The following CNTN5 variants were observed in gnomAD, a reference collection of about 807,000 sequenced individuals.
The protein encoded by CNTN5 is contactin-5.
In CNTN5, 77 loss-of-function variants were observed where a neutral mutation model predicts 129.1. That is an observed-to-expected ratio of 0.60 (90% CI 0.50 to 0.72). The LOEUF (loss-of-function observed/expected upper bound fraction) is 0.72, where lower values mean the gene tolerates loss of function less well. CNTN5 is among the 30% of genes least tolerant of loss of function. The pLI, the probability that CNTN5 is intolerant of heterozygous loss-of-function variation, is 0.00. For missense variants in CNTN5, 1,478 were observed against 1,328.8 expected (o/e 1.11, Z -1.75); for synonymous variants, 509 against 465.6 (o/e 1.09, Z -1.20).
chr11:99,781,309 A>G (rs1214138340), intron 3 of CNTN5, among the ~76,000 whole-genome samples: 1 of 152,062 alleles, frequency 6.6e-6, no homozygotes, highest in Non-Finnish European at 1.5e-5. Flanking sequence ...GGAGTAACAG[A>G]TGGCACTTAT....
At chr11:99,230,284 C>A (rs781165351) in intron 1 of CNTN5, among the ~76,000 whole-genome samples, 13 of 151,942 alleles carry the variant, frequency 8.6e-5, no homozygotes, top group African/African-American at 1.5e-4. Context: ...ATGACGAAAG[C>A]ATTTTTTGGG....
intron 3 of CNTN5, among the ~76,000 whole-genome samples, chr11:99,643,876 A>G (rs938352846): frequency 2.6e-5 from 4 of 152,000 alleles, no homozygotes; most frequent in African/African-American, 4.8e-5. Flanking sequence ...TAAAAGAACT[A>G]TATTAACTTT....
chr11:100,073,203 C>A (rs1171842736), intron 12 of CNTN5, among the ~76,000 whole-genome samples: 1 of 151,922 alleles, frequency 6.6e-6, no homozygotes, highest in Non-Finnish European at 1.5e-5. Context: ...CCCACAGCCA[C>A]ACCCAGCTGA....
chr11:99,808,762 A>G (rs942008316), intron 3 of CNTN5, among the ~76,000 whole-genome samples: 2 of 152,082 alleles, frequency 1.3e-5, no homozygotes, highest in African/African-American at 4.8e-5. Flanking sequence ...CTCTACTGCC[A>G]AGCACTTTTT....
At chr11:99,504,167 GT>G (rs1946528075) in intron 2 of CNTN5, among the ~76,000 whole-genome samples, 1 of 152,178 alleles carries the variant, frequency 6.6e-6, no homozygotes, top group Non-Finnish European at 1.5e-5. Flanking sequence ...AAAAGGTAGA[GT>G]TTTGATGTAA....
chr11:99,698,504 A>T (rs971878740), intron 3 of CNTN5, among the ~76,000 whole-genome samples: 1 of 151,474 alleles, frequency 6.6e-6, no homozygotes, highest in African/African-American at 2.4e-5. Context: ...GGTCAAATGC[A>T]TTTACTGACT....
intron 3 of CNTN5, among the ~76,000 whole-genome samples, chr11:99,765,296 C>T (rs927914146): frequency 1.3e-5 from 2 of 151,458 alleles, no homozygotes; most frequent in Admixed American, 6.6e-5. Context: ...CTCTAAAGTC[C>T]ACCTGAAACC....
intron 3 of CNTN5, among the ~76,000 whole-genome samples, chr11:99,793,861 A>T (rs1465979373): frequency 6.6e-6 from 1 of 152,172 alleles, no homozygotes; most frequent in Non-Finnish European, 1.5e-5. Context: ...AGTGTGTGGC[A>T]TGTGCACATG....
intron 4 of CNTN5, among the ~76,000 whole-genome samples, chr11:99,841,597 AAAG>A (rs1280948482): frequency 5.9e-5 from 9 of 151,504 alleles, no homozygotes; most frequent in Admixed American, 3.3e-4. Context: ...AGGAGGAGGA[AAAG>A]AAGCAGCAGA....
chr11:99,250,270 A>T (rs2135788669), intron 1 of CNTN5, among the ~76,000 whole-genome samples: 1 of 152,140 alleles, frequency 6.6e-6, no homozygotes, highest in Non-Finnish European at 1.5e-5. Context: ...CACTTAACAG[A>T]GATCACTTTA....
intron 4 of CNTN5, among the ~76,000 whole-genome samples, chr11:99,840,005 G>C (rs573099027): frequency 6.6e-6 from 1 of 151,882 alleles, no homozygotes; most frequent in South Asian, 2.1e-4. Context: ...AAAAAAAATC[G>C]TACAAGATGA....
intron 15 of CNTN5, among the ~76,000 whole-genome samples, chr11:100,196,570 A>G (rs1311163073): frequency 6.6e-6 from 1 of 152,048 alleles, no homozygotes; most frequent in Non-Finnish European, 1.5e-5. Context: ...AACAGAGTGC[A>G]TAAACATATG....
At position 99,310,026 on chromosome 11, in the gene CNTN5, A is replaced by T. The variant is rs532819277; in HGVS notation, c.-209-15320A>T. 3.2e-4 allele frequency among the ~76,000 whole-genome samples: 49 copies of T among 152,250 alleles called. 2 individuals are homozygous for T. In the South Asian group the frequency reaches 0.01, roughly 32 times the overall value. On this transcript the variant is annotated intron_variant, in intron 1 of 24. Transcript: ENST00000524871. ...GATAACTTTGGAGGGAAAGATTCCAAAGAGATATGAGGACACTTTTTACAG... is the reference window on the plus strand; with the variant it reads ...GATAACTTTGGAGGGAAAGATTCCATAGAGATATGAGGACACTTTTTACAG...
At chr11:99,463,821 T>A (rs368066177) in intron 2 of CNTN5, among the ~76,000 whole-genome samples, 1 of 152,150 alleles carries the variant, frequency 6.6e-6, no homozygotes, top group African/African-American at 2.4e-5. Context: ...GACAGAATAA[T>A]CAAGGAAATA....
At chr11:99,173,264 T>A (rs12577013) in intron 1 of CNTN5, among the ~76,000 whole-genome samples, 34,967 of 152,070 alleles carry the variant, frequency 0.23, 4,131 homozygotes, top group Middle Eastern at 0.27. Flanking sequence ...AAGTGGATAG[T>A]CTATGGCTCA....
rs557007463 is a variant in CNTN5 at position 99,794,830 on chromosome 11, C to A, written c.56-24714C>A. Among the ~76,000 whole-genome samples, 4 of 147,900 alleles carry A rather than the reference C, an allele frequency of 2.7e-5. No homozygotes were observed. The East Asian group carries it at 6.1e-4, about 23-fold the overall frequency. ...GGGACTCCCTTTGTAGATGACCTAT[C>A]CTTTCTTGCTAGCTCCACTTACCTT... On this transcript the variant is annotated intron_variant, in intron 3 of 24. Coordinates refer to ENST00000524871, the MANE Select transcript of CNTN5 (RefSeq NM_014361.4).
chr11:99,326,132 A>G (rs1445014993), intron 2 of CNTN5, among the ~76,000 whole-genome samples: 2 of 152,212 alleles, frequency 1.3e-5, no homozygotes, highest in African/African-American at 4.8e-5. Flanking sequence ...TTTAAAATGA[A>G]TACTCTAAAA....
intron 1 of CNTN5, among the ~76,000 whole-genome samples, chr11:99,209,548 G>A (rs1018291468): frequency 6.6e-6 from 1 of 152,116 alleles, no homozygotes; most frequent in African/African-American, 2.4e-5. Context: ...GGGATCCGCC[G>A]CCATGATCCA....
rs558736482 is a variant in CNTN5, at chr11:99,259,496, C to A, written c.-209-65850C>A. ...GAGCAAGTATAGCTCCAATTCACTCCTTTAAATTGTTATATGCTAATATAT... is the reference window on the plus strand; with the variant it reads ...GAGCAAGTATAGCTCCAATTCACTCATTTAAATTGTTATATGCTAATATAT... On this transcript the variant is annotated intron_variant, in intron 1 of 24. Transcript: ENST00000524871. 1.8e-4 allele frequency among the ~76,000 whole-genome samples: 28 copies of A among 151,908 alleles called. No homozygotes were observed. The South Asian group carries it at 5.0e-3, about 27-fold the overall frequency.
Sources: gnomAD v4.1 joint callset for allele counts (sites outside exome capture counted in the v4.1 genomes callset) on GRCh38, gnomAD v4.1.1 for gene constraint, MANE v1.5 for transcripts, NCBI Gene and HGNC (gene_info 2026-07-23, HGNC 2026-07-21) for gene names.